CTNNA2: variants seen among roughly 807,000 people sequenced by gnomAD.
CTNNA2 encodes the protein catenin alpha 2, also known as catenin alpha-2.
CTNNA2 carries 42 observed loss-of-function variants against 101.0 expected under a neutral mutation model. The ratio of observed to expected loss-of-function variants is 0.42; its 90% confidence interval spans 0.32 to 0.54. The LOEUF (loss-of-function observed/expected upper bound fraction) is 0.54. Ranked by LOEUF, CTNNA2 falls within the 20% of genes least tolerant of loss-of-function variation. The probability of loss-of-function intolerance (pLI) is 0.14; values close to 1 mark genes in which losing one functional copy is unlikely to be tolerated. For synonymous variants in CTNNA2, 450 were observed against 456.4 expected (o/e 0.99, Z 0.18); for missense variants, 871 against 1,223.1 (o/e 0.71, Z 4.29).
chr2:80,287,683 G>A (rs138790471), intron 7 of CTNNA2, among the ~76,000 whole-genome samples: 20 of 152,274 alleles, frequency 1.3e-4, no homozygotes, highest in Admixed American at 9.8e-4. Flanking sequence ...GGGTTGAGTC[G>A]TTTGCTCTGC....
rs145143956 is a variant in CTNNA2, at chr2:80,401,171, C to A, written c.1137+7880C>A. ...AGTTGTTTATTTGTTTTTGCCAGTG[C>A]TCATGTCTTTCTAGTCTTTGTTTCT... On this transcript the variant is annotated intron_variant, in intron 8 of 18. Transcript: ENST00000402739. 2.0e-5 allele frequency among the ~76,000 whole-genome samples: 3 copies of A among 152,248 alleles called. No homozygotes were observed. In the East Asian group the frequency reaches 5.8e-4, roughly 29 times the overall value.
chr2:79,893,219 C>T (rs753553253), intron 6 of CTNNA2, among the ~76,000 whole-genome samples: 1 of 152,160 alleles, frequency 6.6e-6, no homozygotes, highest in Non-Finnish European at 1.5e-5. Flanking sequence ...TGTCCTCCTT[C>T]AGCCCGTTTT....
rs70940088 is a variant in CTNNA2 at position 80,569,633 on chromosome 2, G to GTTTTTTTTTTTTTTTTTTTTT, written c.1742-4523_1742-4503dup. Among the ~76,000 whole-genome samples the GTTTTTTTTTTTTTTTTTTTTT allele has an allele frequency of 5.4e-3, 281 of 51,718 alleles. 70 individuals carry two copies. The highest frequency in any genetic ancestry group is 8.0e-3 in the Non-Finnish European group (205 of 25,568). The allele number at this position is 51,718 out of a possible 152,430, so 33.9% of individuals were successfully genotyped here. On this transcript the variant is annotated intron_variant, in intron 12 of 18. Coordinates refer to ENST00000402739, the MANE Select transcript of CTNNA2 (RefSeq NM_001282597.3). The stretch of plus-strand genomic sequence containing the variant: ...TCAGTATTACTTTTGGGGTATTTAG[G>GTTTTTTTTTTTTTTTTTTTTT]TTTTTTTTTTTTTTTTTTTTTTTTT...
chr2:79,510,547 T>G (rs1456371047), upstream of CTNNA2, among the ~76,000 whole-genome samples: 1 of 152,192 alleles, frequency 6.6e-6, no homozygotes, highest in Non-Finnish European at 1.5e-5. Context: ...ATTCAAAACA[T>G]AAAAGAGTTA....
At chr2:80,616,210 G>T (rs1698839579) in intron 17 of CTNNA2, among the ~76,000 whole-genome samples, 1 of 151,550 alleles carries the variant, frequency 6.6e-6, no homozygotes, top group Non-Finnish European at 1.5e-5. Flanking sequence ...GAGAAGTTAT[G>T]GTCAACATCG....
At chr2:80,279,655 G>T (rs1674209622) in intron 7 of CTNNA2, among the ~76,000 whole-genome samples, 1 of 152,136 alleles carries the variant, frequency 6.6e-6, no homozygotes, top group Admixed American at 6.5e-5. Context: ...CCACAAAAAA[G>T]ATTGTATCAA....
intron 6 of CTNNA2, among the ~76,000 whole-genome samples, chr2:79,898,566 C>A (rs967783320): frequency 1.3e-5 from 2 of 152,154 alleles, no homozygotes; most frequent in African/African-American, 4.8e-5. Flanking sequence ...AGTCACCTAA[C>A]CTGACCGAGG....
chr2:80,423,670 A>C (rs1680730589), intron 9 of CTNNA2, among the ~76,000 whole-genome samples: 1 of 152,170 alleles, frequency 6.6e-6, no homozygotes, highest in Non-Finnish European at 1.5e-5. Context: ...CACACCCACC[A>C]AGAGGGTCCA....
At chr2:79,869,730 T>G in intron 4 of CTNNA2, 86 bp from the exon 5 acceptor site, 1 of 1,515,574 alleles carries the variant, frequency 6.6e-7, no homozygotes, top group Non-Finnish European at 8.8e-7. Context: ...TGTTTTAGAG[T>G]TTTTGGGTGC....
chr2:80,249,734 ATGTTACACAT>A (rs1220148416), intron 7 of CTNNA2, among the ~76,000 whole-genome samples: 1 of 152,144 alleles, frequency 6.6e-6, no homozygotes, highest in African/African-American at 2.4e-5. Context: ...ACATCCTGGC[ATGTTACACAT>A]TGTTGTGATC....
At chr2:80,107,490 T>A (rs1233013051) in intron 7 of CTNNA2, among the ~76,000 whole-genome samples, 1 of 152,156 alleles carries the variant, frequency 6.6e-6, no homozygotes, top group East Asian at 1.9e-4. Context: ...GAAGATTACC[T>A]GCCCATCCTG....
chr2:79,716,563 G>A (rs955267510), intron 2 of CTNNA2, among the ~76,000 whole-genome samples: 33 of 152,134 alleles, frequency 2.2e-4, no homozygotes, highest in Non-Finnish European at 4.4e-5. Context: ...GTGATGTTTG[G>A]TTTTCTGTTC....
intron 7 of CTNNA2, among the ~76,000 whole-genome samples, chr2:80,217,508 G>A (rs1426414181): frequency 6.6e-6 from 1 of 151,882 alleles, no homozygotes; most frequent in East Asian, 1.9e-4. Context: ...CAGACTCAGG[G>A]TCTGACCCAT....
intron 2 of CTNNA2, among the ~76,000 whole-genome samples, chr2:79,225,670 T>C (rs888061988): frequency 6.6e-6 from 1 of 152,128 alleles, no homozygotes; most frequent in African/African-American, 2.4e-5. Flanking sequence ...AAGCTGGAGT[T>C]TGACAAATGA....
At position 80,429,113 on chromosome 2, in the gene CTNNA2, TCTC is replaced by T. The variant is rs202100936; in HGVS notation, c.1290+9517_1290+9519del. Among the ~76,000 whole-genome samples the T allele has an allele frequency of 4.3e-3, 654 of 152,214 alleles. 4 individuals are homozygous for T. The highest frequency in any genetic ancestry group is 0.015 in the African/African-American group (612 of 41,532). On this transcript the variant is annotated intron_variant, in intron 9 of 18. Transcript: ENST00000402739. ...TAAGAAGTATATATTCCAGTACTATTCTCCTCCGTAATTTAAGAATTCCCCAAT... is the reference window on the plus strand; with the variant it reads ...TAAGAAGTATATATTCCAGTACTATTCTCCGTAATTTAAGAATTCCCCAAT...
intron 7 of CTNNA2, among the ~76,000 whole-genome samples, chr2:79,926,406 G>T (rs1015985243): frequency 3.0e-4 from 46 of 152,110 alleles, no homozygotes; most frequent in African/African-American, 1.1e-3. Context: ...AAAACATCCC[G>T]TAAGACCTTT....
At chr2:79,611,330 G>T (rs545100195) in intron 1 of CTNNA2, among the ~76,000 whole-genome samples, 2 of 152,208 alleles carry the variant, frequency 1.3e-5, no homozygotes, top group African/African-American at 4.8e-5. Context: ...ATACTTTTCT[G>T]TTTCACACAT....
At chr2:79,712,585 A>T (rs1424572227) in intron 2 of CTNNA2, among the ~76,000 whole-genome samples, 1 of 152,196 alleles carries the variant, frequency 6.6e-6, no homozygotes, top group African/African-American at 2.4e-5. Flanking sequence ...TCAACAAATG[A>T]AAGAGTGTAA....
At chr2:80,208,453 A>G (rs1707669302) in intron 7 of CTNNA2, among the ~76,000 whole-genome samples, 1 of 152,196 alleles carries the variant, frequency 6.6e-6, no homozygotes, top group African/African-American at 2.4e-5. Context: ...AAGGAAAGAA[A>G]TTCTCAACAA....
Sources: gnomAD v4.1 joint callset for allele counts (sites outside exome capture counted in the v4.1 genomes callset) on GRCh38, gnomAD v4.1.1 for gene constraint, MANE v1.5 for transcripts, NCBI Gene and HGNC (gene_info 2026-07-23, HGNC 2026-07-21) for gene names.